Variants in GABBR2 observed in about 807,000 individuals in gnomAD.
GABBR2 encodes the protein G-protein coupled receptor 51.
In GABBR2, 23 loss-of-function variants were observed where a neutral mutation model predicts 105.6. The observed-to-expected ratio is 0.22, with a 90% CI of 0.16 to 0.31. GABBR2 has a LOEUF of 0.31. Ranked by LOEUF, GABBR2 falls within the 10% of genes least tolerant of loss-of-function variation. The pLI is 1.00. For synonymous variants in GABBR2, 478 were observed against 499.7 expected (o/e 0.96, Z 0.58); for missense variants, 734 against 1,245.5 (o/e 0.59, Z 6.18).
At chr9:98,508,789 G>A (rs1269959799) in intron 3 of GABBR2, among the ~76,000 whole-genome samples, 1 of 151,806 alleles carries the variant, frequency 6.6e-6, no homozygotes, top group East Asian at 1.9e-4. Flanking sequence ...ACTGGGTGGA[G>A]CCCACCACAG....
At chr9:98,648,107 GTGTGTGTGT>G (rs1407973297) in intron 1 of GABBR2, among the ~76,000 whole-genome samples, 7 of 71,908 alleles carry the variant, frequency 9.7e-5, no homozygotes, top group East Asian at 3.4e-4. Flanking sequence ...GTGTGTGTGT[GTGTGTGTGT>G]ATAGATAGAT....
At chr9:98,394,110 A>C in intron 9 of GABBR2, 65 bp downstream of exon 9, 1 of 1,152,992 alleles carries the variant, frequency 8.7e-7, no homozygotes, top group South Asian at 1.2e-5. Flanking sequence ...CCTAACCCTT[A>C]GACAATGTCC....
intron 8 of GABBR2, among the ~76,000 whole-genome samples, chr9:98,395,070 T>C (rs935833207): frequency 2.6e-5 from 4 of 152,164 alleles, no homozygotes; most frequent in Non-Finnish European, 5.9e-5. Flanking sequence ...TGTGTTTAGT[T>C]CATTGTTTTG....
chr9:98,362,687 T>A (rs1211718575), intron 13 of GABBR2, 28 bp downstream of exon 13: 1 of 1,479,134 alleles, frequency 6.8e-7, no homozygotes, highest in Non-Finnish European at 9.0e-7. Flanking sequence ...ATCTGCAGGC[T>A]TCCCTCCTGC....
chr9:98,519,332 C>T (rs59349278), intron 3 of GABBR2, among the ~76,000 whole-genome samples: 5 of 152,322 alleles, frequency 3.3e-5, no homozygotes, highest in South Asian at 2.1e-4. Context: ...TGAGGAGCAT[C>T]TGTGCTTTCT....
intron 13 of GABBR2, among the ~76,000 whole-genome samples, chr9:98,316,637 CCAGGACAGTTCCCATGAGAGGCAGCCT>C (rs2131369608): frequency 6.6e-6 from 1 of 152,266 alleles, no homozygotes; most frequent in African/African-American, 2.4e-5. Flanking sequence ...TCCAGTAAGA[CCAGGACAGTTCCCATGAGAGGCAGCCT>C]CAGAGAGAGA....
rs183947715 is a variant in GABBR2 at position 98,357,245 on chromosome 9, G to T, written c.1893+5470C>A. On this transcript the variant is annotated intron_variant, in intron 13 of 18. Transcript: ENST00000259455. ...ATTAATAACAGGAAATTGTGGGGGT[G>T]GGTGGAGGGTACATGAGAACTCTTT... 3.9e-3 allele frequency among the ~76,000 whole-genome samples: 600 copies of T among 152,310 alleles called. 3 individuals are homozygous for T. Among genetic ancestry groups the T allele is most frequent in the African/African-American group, 0.014 (562 of 41,572 alleles).
chr9:98,349,667 C>G (rs557707500), intron 13 of GABBR2, among the ~76,000 whole-genome samples: 2 of 152,002 alleles, frequency 1.3e-5, no homozygotes, highest in Non-Finnish European at 2.9e-5. Context: ...ATTTTTTCAT[C>G]TAGATTTTTA....
intron 1 of GABBR2, among the ~76,000 whole-genome samples, chr9:98,641,971 C>T (rs994990617): frequency 2.6e-5 from 4 of 152,114 alleles, no homozygotes; most frequent in African/African-American, 4.8e-5. Flanking sequence ...AGGGGCGATT[C>T]GAGGAGTGGT....
In GABBR2 at chr9:98,584,775, A is replaced by G. The variant is rs200111086; in HGVS notation, c.322-6703T>C. Reference sequence around the variant, plus strand: ...CTCCATGCAGAATTTCAGAATGGAAAGAGAATTTAAAAGCTAATGTGTCCA... The same window carrying G: ...CTCCATGCAGAATTTCAGAATGGAAGGAGAATTTAAAAGCTAATGTGTCCA... On this transcript the variant is annotated intron_variant, in intron 1 of 18. Coordinates refer to ENST00000259455, the MANE Select transcript of GABBR2 (RefSeq NM_005458.8). 5.4e-4 allele frequency among the ~76,000 whole-genome samples: 83 copies of G among 152,336 alleles called. 1 individual carries two copies. In the East Asian group the frequency reaches 0.012, roughly 23 times the overall value.
chr9:98,524,650 T>C (rs1827926228), intron 3 of GABBR2, among the ~76,000 whole-genome samples: 1 of 152,038 alleles, frequency 6.6e-6, no homozygotes, highest in Non-Finnish European at 1.5e-5. Flanking sequence ...GATGCCTCAC[T>C]GTTTATCGCT....
intron 7 of GABBR2, among the ~76,000 whole-genome samples, chr9:98,427,003 G>C (rs1051972313): frequency 6.6e-6 from 1 of 152,134 alleles, no homozygotes; most frequent in Admixed American, 6.5e-5. Flanking sequence ...AATCTGTCTC[G>C]AAAACAAACA....
chr9:98,387,039 C>T (rs1215178367), intron 10 of GABBR2, among the ~76,000 whole-genome samples: 2 of 152,124 alleles, frequency 1.3e-5, no homozygotes, highest in Admixed American at 1.3e-4. Context: ...CCGTGAACTA[C>T]TTAGGTGCCT....
chr9:98,395,249 G>T (rs1313509867), intron 8 of GABBR2, among the ~76,000 whole-genome samples: 2 of 152,158 alleles, frequency 1.3e-5, no homozygotes, highest in Non-Finnish European at 2.9e-5. Flanking sequence ...CAAGGTTCTG[G>T]TGGGGATGAG....
chr9:98,603,698 T>G (rs1482154222), intron 1 of GABBR2, among the ~76,000 whole-genome samples: 3 of 152,188 alleles, frequency 2.0e-5, no homozygotes, highest in African/African-American at 7.2e-5. Flanking sequence ...TTTCTGCAAC[T>G]GCAGCTCAGA....
At chr9:98,506,600 C>A (rs1227953096) in intron 3 of GABBR2, among the ~76,000 whole-genome samples, 1 of 152,184 alleles carries the variant, frequency 6.6e-6, no homozygotes, top group African/African-American at 2.4e-5. Context: ...CTATCAGGGC[C>A]CCAATGAAGG....
intron 1 of GABBR2, among the ~76,000 whole-genome samples, chr9:98,641,883 G>A (rs1829967816): frequency 6.6e-6 from 1 of 152,198 alleles, no homozygotes; most frequent in African/African-American, 2.4e-5. Flanking sequence ...CAGTCCCTGA[G>A]CCTGGCTCCA....
At chr9:98,604,256 T>C (rs944689) in intron 1 of GABBR2, among the ~76,000 whole-genome samples, 16,157 of 152,230 alleles carry the variant, frequency 0.11, 1,366 homozygotes, top group East Asian at 0.43. Flanking sequence ...CAAGGAGCTT[T>C]GCTTATTCCC....
rs796720120 is a variant in GABBR2 at position 98,393,029 on chromosome 9, C to CCCAACCATCCATCCATCCACCCAA, written c.1378+1145_1378+1146insTTGGGTGGATGGATGGATGGTTGG. 9.4e-3 allele frequency among the ~76,000 whole-genome samples: 1,152 copies of CCCAACCATCCATCCATCCACCCAA among 123,140 alleles called. 28 individuals carry two copies. The highest frequency in any genetic ancestry group is 0.035 in the African/African-American group (1,073 of 30,418). The allele number at this position is 123,140 out of a possible 152,430, so 80.8% of individuals were successfully genotyped here. ...ATTCACACACCCATCCATGCATCCA[C>CCCAACCATCCATCCATCCACCCAA]CCATCCATCCATCCATCCATCCATC... is the stretch of plus-strand genomic sequence containing the variant. On this transcript the variant is annotated intron_variant, in intron 9 of 18. Transcript: ENST00000259455.
Sources: gnomAD v4.1 joint callset for allele counts (sites outside exome capture counted in the v4.1 genomes callset) on GRCh38, gnomAD v4.1.1 for gene constraint, MANE v1.5 for transcripts, NCBI Gene and HGNC (gene_info 2026-07-23, HGNC 2026-07-21) for gene names.